Variants in C4orf36 observed in about 807,000 individuals in gnomAD.
C4orf36 encodes the protein chromosome 4 open reading frame 36.
In C4orf36, 11 loss-of-function variants were observed where a neutral mutation model predicts 12.2. The ratio of observed to expected loss-of-function variants is 0.90; its 90% CI spans 0.57 to 1.49. The LOEUF (loss-of-function observed/expected upper bound fraction) is 1.49. Among genes scored for constraint, C4orf36 ranks in the 40% most tolerant of loss-of-function variants. The probability of loss-of-function intolerance (pLI) is 0.00; values close to 1 mark genes in which losing one functional copy is unlikely to be tolerated. For missense variants in C4orf36, 137 were observed against 133.9 expected (o/e 1.02, Z -0.11); for synonymous variants, 54 against 51.3 (o/e 1.05, Z -0.22).
the C4orf36 span, chr4:86,913,814 C>T: frequency 2.1e-6 from 2 of 975,170 alleles, no homozygotes; most frequent in Non-Finnish European, 3.1e-6. Flanking sequence ...TACTGACTGG[C>T]TTTTCATCCA....
chr4:86,917,427 GAAAA>G, the C4orf36 span, among the ~76,000 whole-genome samples: 3 of 138,306 alleles, frequency 2.2e-5, no homozygotes, highest in South Asian at 2.3e-4. Context: ...GAGAGAGAAA[GAAAA>G]AGAAAGGGAG....
At chr4:86,922,750 A>C in the C4orf36 span, among the ~76,000 whole-genome samples, 3 of 151,978 alleles carry the variant, frequency 2.0e-5, no homozygotes, top group African/African-American at 7.3e-5. Context: ...CACCACCTCT[A>C]TCTGCAGCAC....
the C4orf36 span, among the ~76,000 whole-genome samples, chr4:86,919,315 CTTTTTTTTT>C: frequency 3.7e-5 from 3 of 81,388 alleles, no homozygotes; most frequent in East Asian, 7.8e-4. Flanking sequence ...TTTTTTCCCC[CTTTTTTTTT>C]TTTTTTTTTT....
intron 2 of C4orf36, among the ~76,000 whole-genome samples, chr4:86,889,533 C>T (rs574747706): frequency 6.6e-6 from 1 of 152,328 alleles, no homozygotes; most frequent in South Asian, 2.1e-4. Context: ...AATTTACACA[C>T]ATGAACTCAT....
the C4orf36 span, among the ~76,000 whole-genome samples, chr4:86,914,995 CATT>C: frequency 6.6e-6 from 1 of 152,146 alleles, no homozygotes. Context: ...ACCTGACCCT[CATT>C]ATCTTTGACA....
At chr4:86,886,791 C>G (rs1032023148) in intron 4 of C4orf36, 1 of 152,160 alleles carries the variant, frequency 6.6e-6, no homozygotes, top group African/African-American at 2.4e-5. Context: ...ATAAATCATG[C>G]TGCTATAAAG....
intron 4 of C4orf36, 82 bp downstream of exon 4, chr4:86,887,676 G>C: frequency 6.4e-7 from 1 of 1,557,958 alleles, no homozygotes; most frequent in Admixed American, 1.8e-5. Context: ...TATCTGCCCT[G>C]AACTATACAT....
chr4:86,911,665 G>T, the C4orf36 span, among the ~76,000 whole-genome samples: 10 of 152,056 alleles, frequency 6.6e-5, no homozygotes, highest in Non-Finnish European at 1.5e-4. Flanking sequence ...TACATTCTTT[G>T]TCTGTCTGTC....
At chr4:86,876,629 G>A (rs1004195693) in intron 4 of C4orf36, 186 bp from the exon 5 acceptor site, 2 of 1,613,556 alleles carry the variant, frequency 1.2e-6, no homozygotes, top group African/African-American at 2.7e-5. Context: ...TGAACCAGAA[G>A]AAAATTTCTG....
At chr4:86,914,774 C>T in the C4orf36 span, 1 of 446,834 alleles carries the variant, frequency 2.2e-6, no homozygotes, top group Non-Finnish European at 4.4e-6. Context: ...CTGTTCCAGG[C>T]ACGATAGGTG....
intron 4 of C4orf36, among the ~76,000 whole-genome samples, chr4:86,886,013 G>A (rs977653536): frequency 1.9e-4 from 29 of 152,212 alleles, no homozygotes; most frequent in African/African-American, 6.3e-4. Flanking sequence ...ATTGATTTGC[G>A]TATGTTGAAC....
chr4:86,883,915 G>A (rs961406939), intron 4 of C4orf36, among the ~76,000 whole-genome samples: 2 of 152,002 alleles, frequency 1.3e-5, no homozygotes, highest in Non-Finnish European at 2.9e-5. Context: ...TGTAGTCCCA[G>A]CCACTCGTGT....
intron 4 of C4orf36, among the ~76,000 whole-genome samples, chr4:86,880,410 C>T (rs1163318729): frequency 2.0e-5 from 3 of 151,880 alleles, no homozygotes; most frequent in Admixed American, 6.5e-5. Context: ...GCCAAGATTG[C>T]GCCACTGCAC....
At chr4:86,930,712 C>G in the C4orf36 span, among the ~76,000 whole-genome samples, 4 of 152,172 alleles carry the variant, frequency 2.6e-5, no homozygotes, top group African/African-American at 9.6e-5. Flanking sequence ...CATTCACAGT[C>G]CCCACTGGAT....
chr4:86,916,212 A>G, the C4orf36 span, among the ~76,000 whole-genome samples: 16 of 152,304 alleles, frequency 1.1e-4, no homozygotes, highest in Admixed American at 4.6e-4. Flanking sequence ...AACACTGGTG[A>G]CAAAGAAGTA....
At position 86,891,579 on chromosome 4, in the gene C4orf36, C is replaced by T; in HGVS notation, c.-59G>A. On this transcript the variant is annotated 5_prime_UTR_variant, in exon 2 of 5. Transcript: ENST00000295898. ...GTGCCTGATGGAATGTCACAGATAACTCTGTTCACTTTACCTGAAATGATG... is the reference window on the plus strand; with the variant it reads ...GTGCCTGATGGAATGTCACAGATAATTCTGTTCACTTTACCTGAAATGATG... 1 of 1,610,246 alleles carries T rather than the reference C, an allele frequency of 6.2e-7. No individual in the cohort carries two copies. The highest frequency in any genetic ancestry group is 8.5e-7 in the Non-Finnish European group (1 of 1,178,230).
chr4:86,894,132 C>T (rs957233351), upstream of C4orf36, among the ~76,000 whole-genome samples: 5 of 152,044 alleles, frequency 3.3e-5, no homozygotes, highest in Non-Finnish European at 1.5e-5. Context: ...CTCCTGACCT[C>T]GTGATCCGCC....
the C4orf36 span, chr4:86,933,603 G>T: frequency 6.6e-6 from 1 of 152,138 alleles, no homozygotes; most frequent in South Asian, 2.1e-4. Flanking sequence ...AGTGGTAAAA[G>T]TTTTCAGATT....
chr4:86,910,882 G>A, the C4orf36 span, among the ~76,000 whole-genome samples: 1 of 151,838 alleles, frequency 6.6e-6, no homozygotes, highest in Non-Finnish European at 1.5e-5. Context: ...TGGCCAACAT[G>A]GTGAAACCCC....
Sources: gnomAD v4.1 joint callset for allele counts (sites outside exome capture counted in the v4.1 genomes callset) on GRCh38, gnomAD v4.1.1 for gene constraint, MANE v1.5 for transcripts, NCBI Gene and HGNC (gene_info 2026-07-23, HGNC 2026-07-21) for gene names.